SLC36A4: variants seen among roughly 807,000 people sequenced by gnomAD.
The protein encoded by SLC36A4 is neutral amino acid uniporter 4.
Under a neutral mutation model 50.5 loss-of-function variants are expected in SLC36A4, and 49 were observed. The observed-to-expected ratio is 0.97, with a 90% CI of 0.77 to 1.23. The LOEUF (loss-of-function observed/expected upper bound fraction) is 1.23. Ranked by LOEUF, SLC36A4 falls within the 50% of genes most tolerant of loss-of-function variation. The pLI, the probability that SLC36A4 is intolerant of heterozygous loss-of-function variation, is 0.00. For missense variants in SLC36A4, 611 were observed against 608.4 expected, an observed-to-expected ratio of 1.00 and a Z score of -0.05; for synonymous variants, 207 against 206.5, an observed-to-expected ratio of 1.00 and a Z score of -0.02.
intron 9 of SLC36A4, among the ~76,000 whole-genome samples, chr11:93,156,118 C>A (rs1392075560): frequency 6.6e-6 from 1 of 152,198 alleles, no homozygotes; most frequent in Non-Finnish European, 1.5e-5. Context: ...GATCAAATGA[C>A]ATTTCTGTTT....
Position 93,181,671 on chromosome 11 carries a change from A to G in SLC36A4, c.455+20T>C, listed in dbSNP as rs1861740595. On this transcript the variant is annotated intron_variant, in intron 5 of 10. Transcript: ENST00000326402. ...ACATAATTTTAACAATCATATATTA[A>G]TAACAGAGTAAGTACTTACCGCCCC... The G allele has an allele frequency of 6.8e-7, 1 of 1,470,742 alleles. No homozygotes were observed. The highest frequency in any genetic ancestry group is 1.4e-5 in the African/African-American group (1 of 69,744). 91.1% of individuals were successfully genotyped at this position (1,470,742 alleles called of 1,614,324 possible).
At chr11:93,172,412 T>TC (rs59418618) in intron 6 of SLC36A4, among the ~76,000 whole-genome samples, 19,239 of 151,118 alleles carry the variant, frequency 0.13, 1,416 homozygotes, top group Non-Finnish European at 0.16. Flanking sequence ...CTCCCACTCT[T>TC]CCCCCCAAGT....
chr11:93,150,062 C>G (rs1860008494), intron 10 of SLC36A4, among the ~76,000 whole-genome samples: 1 of 152,040 alleles, frequency 6.6e-6, no homozygotes, highest in Non-Finnish European at 1.5e-5. Context: ...TTGATCTTAT[C>G]AAAATGCATC....
chr11:93,165,982 G>T lies in SLC36A4; in HGVS notation c.803C>A (p.Ala268Asp). 1 of 1,610,986 alleles carries T rather than the reference G, an allele frequency of 6.2e-7. No homozygotes were observed. ...AAAGAGTGGGTATTTCTTCCAACCA[G>T]CCACTATTGGAAGGTTGTGGGGATC... ...MPDPHNLPIVAGWKKYPLFFG... is the reference protein window; with the variant it reads ...MPDPHNLPIVDGWKKYPLFFG... The change falls in exon 8 of 11, where the codon GCT becomes GAT. Residue 268 changes from alanine to aspartate, a missense_variant. Coordinates refer to ENST00000326402, the MANE Select transcript of SLC36A4 (RefSeq NM_152313.4).
At chr11:93,161,670 T>C (rs576526126) in intron 9 of SLC36A4, among the ~76,000 whole-genome samples, 11 of 152,224 alleles carry the variant, frequency 7.2e-5, no homozygotes, top group Non-Finnish European at 1.6e-4. Context: ...TTTTCACTAA[T>C]ATAGTAAGAC....
At chr11:93,197,592 C>T (rs947253184) in intron 1 of SLC36A4, 186 bp downstream of exon 1, 1 of 640,282 alleles carries the variant, frequency 1.6e-6, no homozygotes, top group Non-Finnish European at 2.6e-6. Flanking sequence ...CAGGCCTGGG[C>T]TTCGTCTGAC....
Position 93,144,394 on chromosome 11 carries a change from G to A in SLC36A4, c.*4143C>T, listed in dbSNP as rs141353999. 2.3e-4 allele frequency: 35 copies of A among 152,056 alleles called. No individual in the cohort carries two copies. Among genetic ancestry groups the A allele is most frequent in the Non-Finnish European group, 3.4e-4 (23 of 67,936 alleles). 9.4% of individuals were successfully genotyped at this position (152,056 alleles called of 1,614,324 possible). On this transcript the variant is annotated 3_prime_UTR_variant, in exon 11 of 11. Coordinates refer to ENST00000326402, the MANE Select transcript of SLC36A4 (RefSeq NM_152313.4). ...TTTTCCTATTTGTTATCAAGAAAAC[G>A]CTAATGAAATATTTTTAGTGTTCTT...
At chr11:93,178,968 G>C (rs1861616369) in intron 6 of SLC36A4, among the ~76,000 whole-genome samples, 1 of 152,158 alleles carries the variant, frequency 6.6e-6, no homozygotes, top group Non-Finnish European at 1.5e-5. Flanking sequence ...CTTTTATAGA[G>C]ATAGGAAAAC....
intron 1 of SLC36A4, among the ~76,000 whole-genome samples, chr11:93,192,744 C>T (rs575025787): frequency 5.9e-5 from 9 of 152,190 alleles, no homozygotes; most frequent in Admixed American, 2.0e-4. Context: ...ACGTTTCAAG[C>T]GCTCAATAAC....
At chr11:93,162,073 T>C (rs1860642325) in intron 9 of SLC36A4, among the ~76,000 whole-genome samples, 7 of 141,446 alleles carry the variant, frequency 4.9e-5, no homozygotes. Flanking sequence ...TCTATTATTT[T>C]ATTAGGAAGC....
At chr11:93,162,197 A>G (rs374402063) in intron 9 of SLC36A4, among the ~76,000 whole-genome samples, 1 of 152,042 alleles carries the variant, frequency 6.6e-6, no homozygotes, top group Non-Finnish European at 1.5e-5. Context: ...TTTGGAAAAA[A>G]CTCCAATTTT....
intron 1 of SLC36A4, among the ~76,000 whole-genome samples, chr11:93,188,495 TC>T (rs1355711668): frequency 6.6e-6 from 1 of 152,228 alleles, no homozygotes. Context: ...AATTCAAAGT[TC>T]CCAACTTTTC....
At chr11:93,184,834 G>A (rs1861909745) in intron 2 of SLC36A4, among the ~76,000 whole-genome samples, 1 of 152,126 alleles carries the variant, frequency 6.6e-6, no homozygotes, top group Admixed American at 6.5e-5. Context: ...ACACAGTGAA[G>A]CAATAAATTT....
At chr11:93,193,200 G>A (rs1862285894) in intron 1 of SLC36A4, among the ~76,000 whole-genome samples, 1 of 152,068 alleles carries the variant, frequency 6.6e-6, no homozygotes, top group East Asian at 1.9e-4. Context: ...GATTGAGTAT[G>A]CAAAGATGGG....
intron 6 of SLC36A4, among the ~76,000 whole-genome samples, chr11:93,176,438 G>C (rs1421638936): frequency 6.6e-6 from 1 of 152,178 alleles, no homozygotes; most frequent in African/African-American, 2.4e-5. Flanking sequence ...GGAGAATTTA[G>C]TCCATTTACA....
intron 1 of SLC36A4, chr11:93,197,443 C>T (rs766067896): frequency 1.4e-4 from 63 of 439,376 alleles, no homozygotes; most frequent in Non-Finnish European, 1.2e-4. Context: ...CTTAAAGCAT[C>T]ATTGGGAAAA....
At chr11:93,160,522 G>A (rs1452003694) in intron 9 of SLC36A4, 2 of 985,280 alleles carry the variant, frequency 2.0e-6, no homozygotes, top group African/African-American at 1.7e-5. Flanking sequence ...TGTGGGAAAA[G>A]GGAAGGATTA....
At chr11:93,165,428 G>C (rs750362837) in intron 8 of SLC36A4, among the ~76,000 whole-genome samples, 6 of 152,084 alleles carry the variant, frequency 3.9e-5, no homozygotes, top group Non-Finnish European at 7.4e-5. Flanking sequence ...TAAAACTATA[G>C]GGAGAATTTA....
intron 2 of SLC36A4, among the ~76,000 whole-genome samples, chr11:93,184,753 T>A (rs1291267558): frequency 3.3e-5 from 5 of 152,138 alleles, no homozygotes; most frequent in African/African-American, 1.2e-4. Flanking sequence ...AAGTGAAATA[T>A]CCGCCAAACA....
Sources: gnomAD v4.1 joint callset for allele counts (sites outside exome capture counted in the v4.1 genomes callset) on GRCh38, gnomAD v4.1.1 for gene constraint, MANE v1.5 for transcripts, NCBI Gene and HGNC (gene_info 2026-07-23, HGNC 2026-07-21) for gene names.